Variants in PHEX observed in about 807,000 individuals in gnomAD.
The protein encoded by PHEX is phosphate regulating endopeptidase X-linked.
A neutral mutation model predicts 68.0 loss-of-function variants in PHEX; 16 were observed. That is an observed-to-expected ratio of 0.24 (90% confidence interval 0.16 to 0.36). The LOEUF (loss-of-function observed/expected upper bound fraction) is 0.36. PHEX is among the 10% of genes least tolerant of loss of function. The probability of loss-of-function intolerance (pLI) is 1.00; values close to 1 mark genes in which losing one functional copy is unlikely to be tolerated. For missense variants in PHEX, 480 were observed against 575.5 expected (o/e 0.83, Z 1.70); for synonymous variants, 208 against 205.1 (o/e 1.01, Z -0.12).
At chrX:22,204,484 GC>G (rs1934649944) in intron 15 of PHEX, among the ~76,000 whole-genome samples, 1 of 112,149 alleles carries the variant, frequency 8.9e-6, no homozygotes, top group Non-Finnish European at 1.9e-5. Flanking sequence ...TTTAGGTCTT[GC>G]AAAATAGGAT....
At chrX:22,170,719 G>A (rs956247649) in intron 13 of PHEX, among the ~76,000 whole-genome samples, 3 of 112,061 alleles carry the variant, frequency 2.7e-5, no homozygotes, top group Non-Finnish European at 5.6e-5. Context: ...AGCTTTAATC[G>A]AATAAGGTAG....
At chrX:22,085,675 G>A (rs751618138) in intron 5 of PHEX, among the ~76,000 whole-genome samples, 1 of 111,237 alleles carries the variant, frequency 9.0e-6, no homozygotes, top group Non-Finnish European at 1.9e-5. Context: ...TAACTGATAT[G>A]ATTTCTGCTT....
chrX:22,178,351 C>G lies in PHEX; in HGVS notation c.1561C>G (p.Leu521Val), dbSNP rs1162588212. Residue 521 changes from leucine to valine, a missense_variant, in exon 14 of 22, where the codon CTA (leucine) becomes GTA (valine). Leu to Val is a conservative substitution (Grantham distance 32, BLOSUM62 1). Transcript: ENST00000379374. Reference protein sequence around the residue: ...KYLAQSDFFWLRKAVPKTEWF... With the variant: ...KYLAQSDFFWVRKAVPKTEWF... The stretch of plus-strand genomic sequence containing the variant: ...TTTAGCACAGTCTGATTTCTTCTGG[C>G]TAAGAAAAGCCGTTCCAAAAACAGA... 1.7e-6 allele frequency: 2 copies of G among 1,193,746 alleles called. No homozygotes were observed. The highest frequency in any genetic ancestry group is 6.0e-5 in the East Asian group (2 of 33,418).
intron 12 of PHEX, among the ~76,000 whole-genome samples, chrX:22,146,113 A>G (rs969032037): frequency 8.9e-6 from 1 of 112,301 alleles, no homozygotes; most frequent in African/African-American, 3.2e-5. Flanking sequence ...CTCCTGGCAC[A>G]AGATATTCTC....
intron 8 of PHEX, chrX:22,098,159 T>G (rs1327564745): frequency 9.2e-6 from 1 of 108,420 alleles, no homozygotes; most frequent in African/African-American, 3.5e-5. Context: ...CATCTGTTTC[T>G]GTGTGTATGT....
At chrX:22,060,421 C>G in intron 3 of PHEX, among the ~76,000 whole-genome samples, 1 of 110,772 alleles carries the variant, frequency 9.0e-6, no homozygotes, top group Non-Finnish European at 1.9e-5. Context: ...ATATATATAG[C>G]TTGGCTTTGT....
chrX:22,054,425 G>A (rs1339567402), intron 3 of PHEX, among the ~76,000 whole-genome samples: 1 of 111,849 alleles, frequency 8.9e-6, no homozygotes, highest in Non-Finnish European at 1.9e-5. Flanking sequence ...GTGAGCCACC[G>A]CACCCGGCCA....
At chrX:22,083,692 G>A (rs372380672) in intron 5 of PHEX, among the ~76,000 whole-genome samples, 55 of 111,543 alleles carry the variant, frequency 4.9e-4, no homozygotes, top group Admixed American at 1.9e-3. Flanking sequence ...TTGTATACTC[G>A]AACTTTACTA....
intron 20 of PHEX, among the ~76,000 whole-genome samples, chrX:22,236,785 T>C (rs1459972386): frequency 1.2e-5 from 1 of 85,359 alleles, no homozygotes; most frequent in Non-Finnish European, 2.3e-5. Context: ...GAGGACAAAG[T>C]ATAGTGATCT....
chrX:22,049,536 C>G (rs920693407), intron 3 of PHEX, among the ~76,000 whole-genome samples: 1 of 111,636 alleles, frequency 9.0e-6, no homozygotes, highest in Non-Finnish European at 1.9e-5. Context: ...AAAGAGTACT[C>G]TAAATTTCAT....
At chrX:22,054,383 C>T (rs1295451018) in intron 3 of PHEX, among the ~76,000 whole-genome samples, 1 of 111,947 alleles carries the variant, frequency 8.9e-6, no homozygotes, top group African/African-American at 3.3e-5. Flanking sequence ...GATCCGCCCA[C>T]CTCAGCCTCC....
intron 3 of PHEX, among the ~76,000 whole-genome samples, chrX:22,051,442 A>T (rs1382532632): frequency 9.0e-6 from 1 of 111,499 alleles, no homozygotes; most frequent in Non-Finnish European, 1.9e-5. Flanking sequence ...GAGGCAGGAG[A>T]ATCGCTTGAA....
intron 12 of PHEX, among the ~76,000 whole-genome samples, chrX:22,147,775 G>T (rs1932755037): frequency 9.0e-6 from 1 of 111,706 alleles, no homozygotes; most frequent in Non-Finnish European, 1.9e-5. Flanking sequence ...TAGAGGTGCT[G>T]ACAACTTTGC....
chrX:22,129,124 A>G (rs1041138801), intron 11 of PHEX, among the ~76,000 whole-genome samples: 1 of 111,148 alleles, frequency 9.0e-6, no homozygotes, highest in African/African-American at 3.3e-5. Context: ...TAACCAAGAT[A>G]GCTAGCAAGT....
chrX:22,053,564 C>T (rs1927936266), intron 3 of PHEX, among the ~76,000 whole-genome samples: 1 of 111,618 alleles, frequency 9.0e-6, no homozygotes, highest in Non-Finnish European at 1.9e-5. Flanking sequence ...CTATAAACCC[C>T]CCAAATTTGT....
chrX:22,224,233 C>T (rs143526619), intron 18 of PHEX, among the ~76,000 whole-genome samples: 4,442 of 111,581 alleles, frequency 0.04, 220 homozygotes, highest in African/African-American at 0.14. Context: ...TCTGCCCGCC[C>T]CAGCCTCCCG....
chrX:22,249,695 T>C lies in PHEX; in HGVS notation c.*1742T>C, dbSNP rs1044195418. The C allele has an allele frequency of 6.5e-5, 7 of 107,569 alleles. No individual in the cohort carries two copies. In the Admixed American group the frequency reaches 7.1e-4, roughly 11 times the overall value. The allele number at this position is 107,569 out of a possible 1,213,427, so 8.9% of individuals were successfully genotyped here. A position where few individuals can be genotyped will look rare whatever the true frequency, so the allele number is the denominator to read the frequency against. On this transcript the variant is annotated 3_prime_UTR_variant, in exon 22 of 22. Transcript: ENST00000379374. Reference sequence around the variant, plus strand: ...CTCTTAACCTGGCTTAATGTGACCTTAGTTTGTATTTCCAAAAACAAGCAG... The same window carrying C: ...CTCTTAACCTGGCTTAATGTGACCTCAGTTTGTATTTCCAAAAACAAGCAG...
chrX:22,036,959 C>T (rs1442105466), intron 1 of PHEX, among the ~76,000 whole-genome samples: 2 of 107,644 alleles, frequency 1.9e-5, no homozygotes, highest in East Asian at 2.9e-4. Context: ...ATTAGCCGGG[C>T]GTGGTGGCGG....
At chrX:22,045,635 G>A (rs1927494585) in intron 2 of PHEX, among the ~76,000 whole-genome samples, 1 of 112,592 alleles carries the variant, frequency 8.9e-6, no homozygotes, top group African/African-American at 3.2e-5. Context: ...TCAGTCTATT[G>A]TGTCTTTCTG....
Sources: allele counts gnomAD v4.1 joint callset (sites outside exome capture counted in the v4.1 genomes callset), GRCh38; gene constraint gnomAD v4.1.1; transcripts MANE v1.5; gene names NCBI Gene and HGNC (gene_info 2026-07-23, HGNC 2026-07-21).